The following RORA variants were observed in gnomAD, a reference collection of about 807,000 sequenced individuals.
The protein encoded by RORA is RAR related orphan receptor A, also known as nuclear receptor ROR-alpha.
A neutral mutation model predicts 69.5 loss-of-function variants in RORA; 7 were observed. The observed-to-expected ratio is 0.10, with a 90% confidence interval of 0.06 to 0.19. The LOEUF is 0.19. Ranked by LOEUF, RORA falls within the 10% of genes least tolerant of loss-of-function variation. The probability of loss-of-function intolerance (pLI) is 1.00; values close to 1 mark genes in which losing one functional copy is unlikely to be tolerated. For synonymous variants in RORA, 261 were observed against 240.8 expected, an observed-to-expected ratio of 1.08 and a Z score of -0.78; for missense variants, 457 against 663.0, an observed-to-expected ratio of 0.69 and a Z score of 3.41.
chr15:61,032,705 C>T (rs535733112), intron 1 of RORA, among the ~76,000 whole-genome samples: 1 of 152,282 alleles, frequency 6.6e-6, no homozygotes, highest in South Asian at 2.1e-4. Context: ...AGACATCTAC[C>T]TATTCCTGCC....
intron 1 of RORA, among the ~76,000 whole-genome samples, chr15:61,051,201 T>C (rs926643188): frequency 2.0e-5 from 3 of 152,062 alleles, no homozygotes; most frequent in East Asian, 3.9e-4. Context: ...GCACTCAGGG[T>C]AGACAGAAGG....
intron 1 of RORA, among the ~76,000 whole-genome samples, chr15:60,999,698 G>A (rs1018579497): frequency 6.6e-6 from 1 of 152,146 alleles, no homozygotes; most frequent in African/African-American, 2.4e-5. Flanking sequence ...AGGACCCAGA[G>A]GCTCCTTAGG....
rs1804560200 is a variant in RORA, at chr15:60,525,497, C to G, written c.282+6269G>C. Reference sequence around the variant, plus strand: ...ATACCCACTTCCACTTCTGTATACACATATGTCTTAATTAGCTGCTCATTG... The same window carrying G: ...ATACCCACTTCCACTTCTGTATACAGATATGTCTTAATTAGCTGCTCATTG... On this transcript the variant is annotated intron_variant, in intron 3 of 10. Transcript: ENST00000335670. Among the ~76,000 whole-genome samples, 5 of 152,216 alleles carry G rather than the reference C, an allele frequency of 3.3e-5. No homozygotes were observed. In the South Asian group the frequency reaches 1.0e-3, roughly 31 times the overall value.
At chr15:60,575,259 T>G (rs1288040395) in intron 2 of RORA, among the ~76,000 whole-genome samples, 2 of 152,210 alleles carry the variant, frequency 1.3e-5, no homozygotes, top group East Asian at 3.8e-4. Context: ...TCCTTCCCAT[T>G]TGACTAGCAG....
chr15:60,928,329 G>A (rs1039513650), intron 1 of RORA, among the ~76,000 whole-genome samples: 2 of 152,166 alleles, frequency 1.3e-5, no homozygotes, highest in Non-Finnish European at 2.9e-5. Context: ...TCTTCCAAGG[G>A]ACTATCCTGT....
intron 1 of RORA, among the ~76,000 whole-genome samples, chr15:61,027,037 T>C (rs2140430337): frequency 6.6e-6 from 1 of 151,902 alleles, no homozygotes; most frequent in South Asian, 2.1e-4. Context: ...AATTTCACCA[T>C]GCAGCTTCAA....
intron 2 of RORA, among the ~76,000 whole-genome samples, chr15:60,624,811 A>T (rs2069528918): frequency 6.6e-6 from 1 of 152,070 alleles, no homozygotes; most frequent in African/African-American, 2.4e-5. Context: ...GGGAACAATG[A>T]TTTAATGCTG....
At chr15:60,914,588 A>C (rs1191516420) in intron 1 of RORA, among the ~76,000 whole-genome samples, 1 of 152,228 alleles carries the variant, frequency 6.6e-6, no homozygotes, top group African/African-American at 2.4e-5. Flanking sequence ...ATGCAAATGA[A>C]TATTTCATAG....
intron 1 of RORA, among the ~76,000 whole-genome samples, chr15:60,757,934 C>G (rs2071826275): frequency 6.6e-6 from 1 of 152,168 alleles, no homozygotes; most frequent in Non-Finnish European, 1.5e-5. Flanking sequence ...AAACACAGAG[C>G]ACGGTACAGC....
intron 1 of RORA, among the ~76,000 whole-genome samples, chr15:61,177,197 A>T (rs1468155883): frequency 6.6e-6 from 1 of 152,218 alleles, no homozygotes; most frequent in Admixed American, 6.5e-5. Flanking sequence ...AGCAGAGAAG[A>T]GGAAGATTTG....
At chr15:60,844,306 G>A (rs2073237223) in intron 1 of RORA, among the ~76,000 whole-genome samples, 2 of 152,192 alleles carry the variant, frequency 1.3e-5, no homozygotes, top group Non-Finnish European at 1.5e-5. Context: ...CTGGGACACA[G>A]AGGGAACAAA....
chr15:61,066,948 T>C (rs1302262771), intron 1 of RORA, among the ~76,000 whole-genome samples: 1 of 144,438 alleles, frequency 6.9e-6, no homozygotes, highest in Non-Finnish European at 1.5e-5. Flanking sequence ...CACTGAGCAC[T>C]GTCATTTTTG....
intron 1 of RORA, among the ~76,000 whole-genome samples, chr15:60,693,149 T>G (rs1468678845): frequency 6.6e-6 from 1 of 152,116 alleles, no homozygotes; most frequent in Non-Finnish European, 1.5e-5. Context: ...GTTCAACATG[T>G]GCAAATCAAT....
In RORA at chr15:61,067,546, A is replaced by G. The variant is rs115861143; in HGVS notation, c.166+161507T>C. Among the ~76,000 whole-genome samples, 580 of 152,320 alleles carry G rather than the reference A, an allele frequency of 3.8e-3. 4 individuals are homozygous for G. The highest frequency in any genetic ancestry group is 0.013 in the African/African-American group (558 of 41,576). On this transcript the variant is annotated intron_variant, in intron 1 of 10. Transcript: ENST00000335670. ...CAAAAATTATGGCAGGTGGACATGC[A>G]TCTCTCATTTAATGATTTTAAAAAC...
chr15:60,788,652 A>G (rs976250733), intron 1 of RORA, among the ~76,000 whole-genome samples: 1 of 151,950 alleles, frequency 6.6e-6, no homozygotes, highest in African/African-American at 2.4e-5. Flanking sequence ...CTCCCCAGGC[A>G]GGATCCACAC....
At chr15:60,734,986 G>A (rs1397220125) in intron 1 of RORA, among the ~76,000 whole-genome samples, 1 of 152,202 alleles carries the variant, frequency 6.6e-6, no homozygotes, top group African/African-American at 2.4e-5. Context: ...GTATAAAAGA[G>A]AGTTATTTAA....
chr15:60,534,077 C>A lies in RORA; in HGVS notation c.197-2226G>T, dbSNP rs930349. ...AACAATGAGTAGAACTGCATCTGGA[C>A]AAACTGAAAATGATATGCAGTATTC... On this transcript the variant is annotated intron_variant, in intron 2 of 10. Coordinates refer to ENST00000335670, the MANE Select transcript of RORA (RefSeq NM_134261.3). This position sits in a 1 kb window ranked among gnomAD's most constrained non-coding sequence, Gnocchi z 5.0. Among the ~76,000 whole-genome samples, 7,191 of 152,278 alleles carry A rather than the reference C, an allele frequency of 0.047. 608 individuals carry two copies. The highest frequency in any genetic ancestry group is 0.17 in the African/African-American group (6,897 of 41,512).
At chr15:61,026,011 G>A (rs1223855751) in intron 1 of RORA, among the ~76,000 whole-genome samples, 13 of 152,048 alleles carry the variant, frequency 8.5e-5, no homozygotes, top group Admixed American at 3.9e-4. Context: ...AAAATAATAC[G>A]TACACAGAGA....
At chr15:60,557,057 C>G (rs1304184420) in intron 2 of RORA, 10 of 681,346 alleles carry the variant, frequency 1.5e-5, no homozygotes, top group Non-Finnish European at 2.5e-5. Flanking sequence ...TTTAGGTAGC[C>G]AACTCCCACT....
Sources: gnomAD v4.1 joint callset for allele counts (sites outside exome capture counted in the v4.1 genomes callset) on GRCh38, gnomAD v4.1.1 for gene constraint, Gnocchi (gnomAD v3.1) non-coding constraint, MANE v1.5 for transcripts, NCBI Gene and HGNC (gene_info 2026-07-23, HGNC 2026-07-21) for gene names.